The following VWA8 variants were observed in gnomAD, a reference collection of about 807,000 sequenced individuals.
VWA8 encodes von Willebrand factor A domain containing 8, also known as von Willebrand factor A domain-containing protein 8.
VWA8 carries 221 observed loss-of-function variants against 241.5 expected under a neutral mutation model. The observed-to-expected ratio is 0.91, with a 90% CI of 0.82 to 1.02. The LOEUF is 1.02. Ranked by LOEUF, VWA8 falls within the 50% of genes least tolerant of loss-of-function variation. The pLI is 0.00. For synonymous variants in VWA8, 852 were observed against 827.1 expected (o/e 1.03, Z -0.52); for missense variants, 2,322 against 2,328.7 (o/e 1.00, Z 0.06).
At position 41,616,942 on chromosome 13, in the gene VWA8, TAC is replaced by T. The variant is rs2044624581; in HGVS notation, c.4612-1860_4612-1859del. On this transcript the variant is annotated intron_variant, in intron 37 of 44. Coordinates refer to ENST00000379310, the MANE Select transcript of VWA8 (RefSeq NM_015058.2). ...AGGACAAAGAACATTTCAAAACTGG[TAC>T]AGTTTTATTCTGTTGCTAATTTAAT... Among the ~76,000 whole-genome samples, 3 of 152,318 alleles carry T rather than the reference TAC, an allele frequency of 2.0e-5. No individual in the cohort carries two copies. In the South Asian group the frequency reaches 6.2e-4, roughly 32 times the overall value.
intron 2 of VWA8, among the ~76,000 whole-genome samples, chr13:41,927,905 G>A (rs1210343228): frequency 6.6e-6 from 1 of 152,134 alleles, no homozygotes; most frequent in African/African-American, 2.4e-5. Context: ...GATGGAAGAA[G>A]ATAAGATATT....
intron 4 of VWA8, among the ~76,000 whole-genome samples, chr13:41,894,554 C>T (rs1406382076): frequency 7.9e-5 from 12 of 152,142 alleles, no homozygotes; most frequent in South Asian, 2.1e-4. Context: ...TGATCAATTT[C>T]GCAAACACCA....
intron 37 of VWA8, among the ~76,000 whole-genome samples, chr13:41,626,815 C>T (rs1056574500): frequency 6.6e-6 from 1 of 151,928 alleles, no homozygotes; most frequent in Non-Finnish European, 1.5e-5. Context: ...CTAAAAAAAC[C>T]CTAGACAAAA....
At chr13:41,814,362 G>A (rs1034181526) in intron 16 of VWA8, among the ~76,000 whole-genome samples, 1 of 152,224 alleles carries the variant, frequency 6.6e-6, no homozygotes, top group Non-Finnish European at 1.5e-5. Context: ...TAAGGGGGCT[G>A]AGAGAGACTT....
chr13:41,656,132 G>A (rs2044903209), intron 37 of VWA8, among the ~76,000 whole-genome samples: 1 of 152,154 alleles, frequency 6.6e-6, no homozygotes, highest in South Asian at 2.1e-4. Context: ...ACATGAACTT[G>A]TTTCCGATAT....
chr13:41,724,895 C>T (rs1488513893), intron 24 of VWA8, among the ~76,000 whole-genome samples: 1 of 152,020 alleles, frequency 6.6e-6, no homozygotes, highest in African/African-American at 2.4e-5. Context: ...ATGAATTACC[C>T]TAGGAGAACA....
chr13:41,960,807 C>A (rs755472846), intron 1 of VWA8, 46 bp downstream of exon 1: 1 of 1,485,162 alleles, frequency 6.7e-7, no homozygotes, highest in Non-Finnish European at 8.9e-7. Context: ...GGACCCGGCA[C>A]GGAGCGCAGG....
At chr13:41,951,463 A>G (rs929868933) in intron 1 of VWA8, among the ~76,000 whole-genome samples, 1 of 152,172 alleles carries the variant, frequency 6.6e-6, no homozygotes, top group African/African-American at 2.4e-5. Flanking sequence ...GAAATAAGCA[A>G]AAGCAGGCAA....
intron 2 of VWA8, among the ~76,000 whole-genome samples, chr13:41,934,824 T>C (rs1224272226): frequency 1.3e-5 from 2 of 152,066 alleles, no homozygotes; most frequent in African/African-American, 4.8e-5. Flanking sequence ...ATTTTGATTA[T>C]AGTAATGTTT....
chr13:41,770,454 A>AAG (rs1555333082), intron 20 of VWA8, among the ~76,000 whole-genome samples: 3 of 150,908 alleles, frequency 2.0e-5, no homozygotes, highest in African/African-American at 7.3e-5. Context: ...AAAAAAAAAA[A>AAG]AAAGAAAAGA....
chr13:41,837,790 A>G (rs1467031611), intron 12 of VWA8, among the ~76,000 whole-genome samples: 8 of 152,180 alleles, frequency 5.3e-5, no homozygotes, highest in Admixed American at 6.5e-5. Flanking sequence ...AATCAAGAAA[A>G]ATCAACATCC....
intron 17 of VWA8, among the ~76,000 whole-genome samples, chr13:41,802,190 T>C (rs1472650035): frequency 6.6e-6 from 1 of 152,166 alleles, no homozygotes. Flanking sequence ...CTACATAGCT[T>C]GGAGAAAGAA....
intron 37 of VWA8, among the ~76,000 whole-genome samples, chr13:41,653,979 T>G (rs2030567750): frequency 6.6e-6 from 1 of 152,130 alleles, no homozygotes; most frequent in Non-Finnish European, 1.5e-5. Flanking sequence ...GGAAATACCA[T>G]TCTGGACATC....
chr13:41,705,039 A>G (rs182818280), intron 26 of VWA8, among the ~76,000 whole-genome samples: 3 of 152,328 alleles, frequency 2.0e-5, no homozygotes, highest in Admixed American at 2.0e-4. Context: ...TTTTTTGCAT[A>G]AAATAATGGA....
At chr13:41,885,857 A>G in intron 8 of VWA8, 63 bp downstream of exon 8, 1 of 1,168,582 alleles carries the variant, frequency 8.6e-7, no homozygotes, top group Middle Eastern at 2.1e-4. Flanking sequence ...TTAATCCCTA[A>G]TGATTAACTT....
chr13:41,922,144 T>C (rs1876572165), intron 2 of VWA8, among the ~76,000 whole-genome samples: 1 of 152,088 alleles, frequency 6.6e-6, no homozygotes, highest in South Asian at 2.1e-4. Flanking sequence ...TCTACAACCA[T>C]CTGATCTTTG....
chr13:41,582,068 A>T (rs1045788661), intron 42 of VWA8, among the ~76,000 whole-genome samples: 16 of 152,184 alleles, frequency 1.1e-4, no homozygotes, highest in African/African-American at 3.9e-4. Flanking sequence ...ATTATAAGCA[A>T]ATGATGTTGC....
chr13:41,705,493 C>T (rs922598150), intron 26 of VWA8, among the ~76,000 whole-genome samples: 2 of 151,970 alleles, frequency 1.3e-5, no homozygotes, highest in Non-Finnish European at 2.9e-5. Flanking sequence ...AATTGGGGCT[C>T]CAAATGTAGA....
intron 13 of VWA8, among the ~76,000 whole-genome samples, chr13:41,832,121 A>G (rs1871495725): frequency 6.6e-6 from 1 of 151,448 alleles, no homozygotes; most frequent in Non-Finnish European, 1.5e-5. Flanking sequence ...AGTAGAGAAA[A>G]GGTTTCACCA....
Sources: gnomAD v4.1 joint callset for allele counts (sites outside exome capture counted in the v4.1 genomes callset) on GRCh38, gnomAD v4.1.1 for gene constraint, MANE v1.5 for transcripts, NCBI Gene and HGNC (gene_info 2026-07-23, HGNC 2026-07-21) for gene names.